Variants in DNAI1 observed in about 807,000 individuals in gnomAD.
DNAI1 encodes the protein dynein, axonemal, intermediate polypeptide 1.
In DNAI1, 67 loss-of-function variants were observed where a neutral mutation model predicts 92.0. The ratio of observed to expected loss-of-function variants is 0.73; its 90% CI spans 0.60 to 0.89. The LOEUF (loss-of-function observed/expected upper bound fraction) is 0.89. DNAI1 is among the 40% of genes least tolerant of loss of function. The pLI is 0.00. For synonymous variants in DNAI1, 323 were observed against 319.6 expected (o/e 1.01, Z -0.11); for missense variants, 839 against 866.6 (o/e 0.97, Z 0.40).
At position 34,490,073 on chromosome 9, in the gene DNAI1, C is replaced by G; in HGVS notation, c.450C>G (p.Pro150=). ...GAAACCTCGAAGAAGACGAAGAGCCCAAGGAGTTAGAAACTGAGCCTGGGA... is the reference window on the plus strand; with the variant it reads ...GAAACCTCGAAGAAGACGAAGAGCCGAAGGAGTTAGAAACTGAGCCTGGGA... The part of the protein sequence containing the change: ...ETGNLEEDEE[P]KELETEPGSQ... The change falls in exon 6 of 20, where the codon CCC becomes CCG. Residue 150 remains proline, a synonymous_variant. Coordinates refer to ENST00000242317, the MANE Select transcript of DNAI1 (RefSeq NM_012144.4). 1 of 1,614,134 alleles carries G rather than the reference C, an allele frequency of 6.2e-7. No individual in the cohort carries two copies. Among genetic ancestry groups the G allele is most frequent in the Non-Finnish European group, 8.5e-7 (1 of 1,180,018 alleles).
At chr9:34,483,404 C>T (rs1292844614) in intron 1 of DNAI1, 44 bp from the exon 2 acceptor site, 1 of 1,592,078 alleles carries the variant, frequency 6.3e-7, no homozygotes, top group Non-Finnish European at 8.6e-7. Context: ...ATTTCCATGT[C>T]AATTTGCTTA....
intron 2 of DNAI1, 52 bp downstream of exon 2, chr9:34,483,532 T>C: frequency 1.9e-6 from 3 of 1,542,702 alleles, no homozygotes; most frequent in Non-Finnish European, 2.7e-6. Context: ...TAGTGTTTTT[T>C]TTGTTGAAAA....
At chr9:34,513,063 G>GC (rs1825100471) in intron 15 of DNAI1, 49 bp from the exon 16 acceptor site, 1 of 1,492,168 alleles carries the variant, frequency 6.7e-7, no homozygotes, top group African/African-American at 1.4e-5. Context: ...GGCACTGGGA[G>GC]CCTCCCTCTT....
intron 11 of DNAI1, 45 bp downstream of exon 11, chr9:34,500,884 C>A: frequency 6.8e-7 from 1 of 1,474,040 alleles, no homozygotes; most frequent in Non-Finnish European, 9.5e-7. Flanking sequence ...TGAGTGCCCT[C>A]TACATCCCAA....
At chr9:34,496,682 T>C (rs930664939) in intron 9 of DNAI1, among the ~76,000 whole-genome samples, 3 of 152,144 alleles carry the variant, frequency 2.0e-5, no homozygotes. Flanking sequence ...CACATGATCT[T>C]TGAGGCCTTT....
chr9:34,505,553 A>T (rs1437254342), intron 12 of DNAI1, among the ~76,000 whole-genome samples: 1 of 152,224 alleles, frequency 6.6e-6, no homozygotes, highest in African/African-American at 2.4e-5. Flanking sequence ...GGGGGGCCTT[A>T]TTCTGCCTAC....
chr9:34,487,091 A>G (rs1001892194), intron 4 of DNAI1, among the ~76,000 whole-genome samples: 6 of 152,120 alleles, frequency 3.9e-5, no homozygotes, highest in African/African-American at 1.4e-4. Context: ...TTTGTGTGCG[A>G]GTGTTTGTGA....
At chr9:34,517,209 GTCCAGGGAC>G in intron 18 of DNAI1, 67 bp from the exon 19 acceptor site, 1 of 1,517,720 alleles carries the variant, frequency 6.6e-7, no homozygotes, top group African/African-American at 1.4e-5. Flanking sequence ...TCCCCAGGAA[GTCCAGGGAC>G]TCATTCCTCT....
chr9:34,493,224 C>T lies in DNAI1; in HGVS notation c.712C>T (p.Leu238Phe). The T allele has an allele frequency of 6.2e-7, 1 of 1,614,154 alleles. No individual in the cohort carries two copies. Among genetic ancestry groups the T allele is most frequent in the Non-Finnish European group, 8.5e-7 (1 of 1,180,034 alleles). Residue 238 changes from leucine (L) to phenylalanine (F), a missense_variant, in exon 9 of 20, where the codon CTT becomes TTT. Coordinates refer to ENST00000242317, the MANE Select transcript of DNAI1 (RefSeq NM_012144.4). ...WEIYDAYVEE[L>F]EKQEKTKEKE... ...GATCTATGATGCCTATGTAGAGGAACTTGAGAAGCAGGAAAAGACCAAAGA... is the reference window on the plus strand; with the variant it reads ...GATCTATGATGCCTATGTAGAGGAATTTGAGAAGCAGGAAAAGACCAAAGA...
At chr9:34,502,428 C>T (rs958320065) in intron 12 of DNAI1, among the ~76,000 whole-genome samples, 1 of 152,108 alleles carries the variant, frequency 6.6e-6, no homozygotes, top group Non-Finnish European at 1.5e-5. Flanking sequence ...TGTGGACCCC[C>T]CTGTGAGGCT....
At chr9:34,498,453 G>A (rs1474199792) in intron 10 of DNAI1, among the ~76,000 whole-genome samples, 1 of 152,260 alleles carries the variant, frequency 6.6e-6, no homozygotes, top group Non-Finnish European at 1.5e-5. Context: ...CCGCTAGGCT[G>A]CAAAGCCACT....
chr9:34,497,819 A>C (rs1023021433), intron 10 of DNAI1, among the ~76,000 whole-genome samples: 2 of 152,204 alleles, frequency 1.3e-5, no homozygotes, highest in African/African-American at 4.8e-5. Flanking sequence ...CAGGGATGGC[A>C]TGAGCAGTGT....
rs41274851 is a variant in DNAI1, at chr9:34,491,475, C to G, written c.622-20C>G. On this transcript the variant is annotated intron_variant, in intron 7 of 19. Transcript: ENST00000242317. ...GGAGTTGAGGGCTTTTTGTGGGTCT[C>G]CTGTTGTCTTGTTCTTTAGGATCGA... 6 of 1,614,130 alleles carry G rather than the reference C, an allele frequency of 3.7e-6. No individual in the cohort carries two copies. The highest frequency in any genetic ancestry group is 5.1e-6 in the Non-Finnish European group (6 of 1,179,996).
chr9:34,506,470 T>A (rs1416156706), intron 12 of DNAI1, among the ~76,000 whole-genome samples, 157 bp from the exon 13 acceptor site: 1 of 152,184 alleles, frequency 6.6e-6, no homozygotes, highest in Non-Finnish European at 1.5e-5. Flanking sequence ...TAATTCCACT[T>A]CACAGATGGA....
At chr9:34,510,900 A>G (rs1343670942) in intron 13 of DNAI1, among the ~76,000 whole-genome samples, 1 of 152,138 alleles carries the variant, frequency 6.6e-6, no homozygotes, top group African/African-American at 2.4e-5. Flanking sequence ...TGAAAGTGCA[A>G]AAGAGCCAGC....
At chr9:34,484,984 C>T in intron 2 of DNAI1, 158 bp from the exon 3 acceptor site, 4 of 726,210 alleles carry the variant, frequency 5.5e-6, no homozygotes, top group Non-Finnish European at 9.6e-6. Context: ...CTGAGCAGTT[C>T]TTTTGGACTC....
At chr9:34,503,520 C>T (rs1046119487) in intron 12 of DNAI1, among the ~76,000 whole-genome samples, 2 of 152,198 alleles carry the variant, frequency 1.3e-5, no homozygotes, top group African/African-American at 4.8e-5. Flanking sequence ...TGAGTCTAGA[C>T]CTCATAAACC....
At position 34,517,358 on chromosome 9, in the gene DNAI1, G is replaced by A; in HGVS notation, c.1892G>A (p.Arg631Lys). The A allele has an allele frequency of 6.2e-7, 1 of 1,614,152 alleles. No individual in the cohort carries two copies. Among genetic ancestry groups the A allele is most frequent in the Non-Finnish European group, 8.5e-7 (1 of 1,180,028 alleles). ...CNQPVAAKKN[R>K]LTHVQFNLIH... is the part of the protein sequence containing the mutation. ...CAGCCTGTGGCGGCCAAAAAGAACA[G>A]GCTCACCCACGTGCAGTTCAATCTC... is the stretch of plus-strand genomic sequence containing the variant. The change falls in exon 19 of 20, where the codon AGG (arginine) becomes AAG (lysine). Residue 631 changes from arginine (R) to lysine (K), a missense_variant. Transcript: ENST00000242317.
At chr9:34,489,281 C>T (rs746321698) in intron 4 of DNAI1, 42 bp from the exon 5 acceptor site, 2 of 1,612,564 alleles carry the variant, frequency 1.2e-6, no homozygotes, top group Non-Finnish European at 8.5e-7. Context: ...GACTCCAGCT[C>T]TTTTAGGGAT....
Sources: allele counts gnomAD v4.1 joint callset (sites outside exome capture counted in the v4.1 genomes callset), GRCh38; gene constraint gnomAD v4.1.1; transcripts MANE v1.5; gene names NCBI Gene and HGNC (gene_info 2026-07-23, HGNC 2026-07-21).